Variants in AURKA observed in about 807,000 individuals in gnomAD.
The protein encoded by AURKA is aurora kinase A, also known as aurora 2.
Under a neutral mutation model 40.9 loss-of-function variants are expected in AURKA, and 12 were observed. The observed-to-expected ratio is 0.29, with a 90% CI of 0.19 to 0.48. The LOEUF (loss-of-function observed/expected upper bound fraction) is 0.48. Among genes scored for constraint, AURKA ranks in the 20% least tolerant of loss-of-function variants. The pLI, the probability that AURKA is intolerant of heterozygous loss-of-function variation, is 0.99. For synonymous variants in AURKA, 170 were observed against 164.3 expected (o/e 1.03, Z -0.26); for missense variants, 322 against 462.1 (o/e 0.70, Z 2.78).
rs557473032 is a variant in AURKA at position 56,383,296 on chromosome 20, C to T, written c.375-120G>A. The stretch of plus-strand genomic sequence containing the variant: ...TATTCCAACTTCACTCAATATGCAT[C>T]CTCAGCAAGAACCAAGGCAATAACC... On this transcript the variant is annotated intron_variant, in intron 4 of 8. Coordinates refer to ENST00000395915, the MANE Select transcript of AURKA (RefSeq NM_198437.3). 1,033 of 1,071,598 alleles carry T rather than the reference C, an allele frequency of 9.6e-4. 2 individuals carry two copies. Among genetic ancestry groups the T allele is most frequent in the Non-Finnish European group, 1.1e-3 (772 of 718,664 alleles). 66.4% of individuals were successfully genotyped at this position (1,071,598 alleles called of 1,614,324 possible). A position where few individuals can be genotyped will look rare whatever the true frequency, so the allele number is the denominator to read the frequency against.
intron 4 of AURKA, 55 bp from the exon 5 acceptor site, chr20:56,383,231 A>G: frequency 4.5e-6 from 7 of 1,565,334 alleles, no homozygotes; most frequent in Non-Finnish European, 6.2e-6. Flanking sequence ...TTTCTAACAA[A>G]TTTTCAATGA....
intron 3 of AURKA, among the ~76,000 whole-genome samples, chr20:56,385,235 C>G (rs1483100786): frequency 6.6e-6 from 1 of 152,190 alleles, no homozygotes; most frequent in East Asian, 1.9e-4. Flanking sequence ...GAGTTAATAA[C>G]TGGCTACCTT....
rs373939260 is a variant in AURKA at position 56,383,193 on chromosome 20, C to T, written c.375-17G>A. The T allele has an allele frequency of 1.4e-4, 225 of 1,613,472 alleles. No individual in the cohort carries two copies. Among genetic ancestry groups the T allele is most frequent in the Non-Finnish European group, 1.8e-4 (208 of 1,179,582 alleles). On this transcript the variant is annotated splice_polypyrimidine_tract_variant and intron_variant, in intron 4 of 8. Coordinates refer to ENST00000395915, the MANE Select transcript of AURKA (RefSeq NM_198437.3). Reference sequence around the variant, plus strand: ...CACTGCCTCCTAGGAGGAATTTGAACACTTTAGAATGTGAAGAAAACAAAG... The same window carrying T: ...CACTGCCTCCTAGGAGGAATTTGAATACTTTAGAATGTGAAGAAAACAAAG...
At chr20:56,387,367 C>T (rs1022035306) in intron 2 of AURKA, among the ~76,000 whole-genome samples, 4 of 152,124 alleles carry the variant, frequency 2.6e-5, no homozygotes, top group African/African-American at 9.7e-5. Flanking sequence ...TTGGCCAGGC[C>T]GGTCTTGAAC....
chr20:56,381,061 C>G (rs1985643937), intron 6 of AURKA, among the ~76,000 whole-genome samples: 1 of 152,028 alleles, frequency 6.6e-6, no homozygotes, highest in African/African-American at 2.4e-5. Flanking sequence ...GGTGGAGAAT[C>G]ACTTGAGTCC....
chr20:56,380,360 G>GAAAAAAAAAAAA (rs58953054), intron 6 of AURKA, among the ~76,000 whole-genome samples: 2 of 119,966 alleles, frequency 1.7e-5, no homozygotes, highest in Non-Finnish European at 1.7e-5. Flanking sequence ...GTCTCAAAAA[G>GAAAAAAAAAAAA]AAAAAAAAAA....
At chr20:56,378,944 T>C (rs951285977) in intron 6 of AURKA, among the ~76,000 whole-genome samples, 4 of 152,210 alleles carry the variant, frequency 2.6e-5, no homozygotes, top group African/African-American at 9.6e-5. Flanking sequence ...AACTATTCTC[T>C]ATATCATAAT....
intron 6 of AURKA, among the ~76,000 whole-genome samples, chr20:56,379,733 G>A (rs572352414): frequency 5.9e-4 from 89 of 151,928 alleles, no homozygotes; most frequent in Non-Finnish European, 1.1e-3. Context: ...AGGCTGAGGC[G>A]GGCAGATTAC....
At chr20:56,383,249 A>G (rs1414476812) in intron 4 of AURKA, 73 bp from the exon 5 acceptor site, 50 of 1,469,626 alleles carry the variant, frequency 3.4e-5, no homozygotes, top group Non-Finnish European at 4.6e-5. Flanking sequence ...TGAGTAGCAG[A>G]CACATTCTAC....
intron 8 of AURKA, 23 bp downstream of exon 8, chr20:56,370,462 G>C: frequency 6.2e-7 from 1 of 1,614,132 alleles, no homozygotes; most frequent in Non-Finnish European, 8.5e-7. Flanking sequence ...AGATGTGCTG[G>C]GTCCTTTTCA....
intron 5 of AURKA, 133 bp downstream of exon 5, chr20:56,382,852 G>A (rs1178430180): frequency 9.9e-6 from 9 of 904,752 alleles, no homozygotes; most frequent in African/African-American, 1.6e-5. Flanking sequence ...GGTGAGGAAC[G>A]GGGCCATGCA....
chr20:56,387,728 A>G (rs1225854146), intron 2 of AURKA, among the ~76,000 whole-genome samples: 1 of 152,256 alleles, frequency 6.6e-6, no homozygotes, highest in Non-Finnish European at 1.5e-5. Context: ...TCCACAACGC[A>G]GCAGGCATTC....
At chr20:56,388,389 C>T in intron 1 of AURKA, 187 bp from the exon 2 acceptor site, 1 of 627,080 alleles carries the variant, frequency 1.6e-6, no homozygotes. Flanking sequence ...GCCAACCTCC[C>T]CTTGGGCACT....
At chr20:56,390,547 TCCAC>T (rs1263926774) in intron 1 of AURKA, 1 of 152,080 alleles carries the variant, frequency 6.6e-6, no homozygotes, top group Non-Finnish European at 1.5e-5. Flanking sequence ...CCTCAGGTGA[TCCAC>T]CCACCTCGGC....
chr20:56,377,718 C>T (rs1354465619), intron 6 of AURKA, among the ~76,000 whole-genome samples: 3 of 151,818 alleles, frequency 2.0e-5, no homozygotes, highest in Admixed American at 1.3e-4. Context: ...ACCCAAGAGG[C>T]GGAGGTTGCA....
At position 56,370,116 on chromosome 20, in the gene AURKA, T is replaced by C. The variant is rs568671421; in HGVS notation, c.*42A>G. 7 of 1,608,136 alleles carry C rather than the reference T, an allele frequency of 4.4e-6. No homozygotes were observed. The highest frequency in any genetic ancestry group is 3.3e-5 in the Admixed American group (2 of 60,012). On this transcript the variant is annotated 3_prime_UTR_variant, in exon 9 of 9. Coordinates refer to ENST00000395915, the MANE Select transcript of AURKA (RefSeq NM_198437.3). ...TCAGTAGCATGTTCCTGTCAGGTTA[T>C]ATGGCAGCCCTGGCTCAAGGATTTC... is the stretch of plus-strand genomic sequence containing the variant.
At position 56,383,086 on chromosome 20, in the gene AURKA, G is replaced by A. The variant is rs1381206655; in HGVS notation, c.465C>T (p.Ser155=). The A allele has an allele frequency of 6.2e-7, 1 of 1,614,232 alleles. No individual in the cohort carries two copies. Among genetic ancestry groups the A allele is most frequent in the Non-Finnish European group, 8.5e-7 (1 of 1,180,036 alleles). ...GNVYLAREKQ[S]KFILALKVLF... is the part of the protein sequence containing the mutation. Reference sequence around the variant, plus strand: ...ACACTTTAAGAGCCAGAATAAACTTGCTTTGCTTTTCTCTTGCCAAATAAA... The same window carrying A: ...ACACTTTAAGAGCCAGAATAAACTTACTTTGCTTTTCTCTTGCCAAATAAA... The change falls in exon 5 of 9, where the codon AGC becomes AGT. Residue 155 remains serine, a synonymous_variant. Coordinates refer to ENST00000395915, the MANE Select transcript of AURKA (RefSeq NM_198437.3).
At chr20:56,372,651 C>CT (rs908242101) in intron 7 of AURKA, among the ~76,000 whole-genome samples, 9 of 149,972 alleles carry the variant, frequency 6.0e-5, no homozygotes, top group African/African-American at 1.5e-4. Context: ...TTAGGCTATA[C>CT]TTTTTTTTTA....
intron 6 of AURKA, among the ~76,000 whole-genome samples, chr20:56,380,372 AAAAG>A (rs1300486071): frequency 1.3e-5 from 2 of 151,712 alleles, no homozygotes; most frequent in Admixed American, 6.6e-5. Flanking sequence ...AAAAAAAAAA[AAAAG>A]AAAGAAAAAA....
Sources: allele counts gnomAD v4.1 joint callset (sites outside exome capture counted in the v4.1 genomes callset), GRCh38; gene constraint gnomAD v4.1.1; transcripts MANE v1.5; gene names NCBI Gene and HGNC (gene_info 2026-07-23, HGNC 2026-07-21).